The following FAM53B variants were observed in gnomAD, a reference collection of about 807,000 sequenced individuals.
The protein encoded by FAM53B is family with sequence similarity 53 member B, also known as protein FAM53B.
Under a neutral mutation model 32.7 loss-of-function variants are expected in FAM53B, and 12 were observed. The observed-to-expected ratio is 0.37, with a 90% confidence interval of 0.24 to 0.59. FAM53B has a LOEUF of 0.59. FAM53B is among the 20% of genes least tolerant of loss of function. The probability of loss-of-function intolerance (pLI) is 0.72; values close to 1 mark genes in which losing one functional copy is unlikely to be tolerated. For synonymous variants in FAM53B, 234 were observed against 228.7 expected, an observed-to-expected ratio of 1.02 and a Z score of -0.21; for missense variants, 477 against 577.7, an observed-to-expected ratio of 0.83 and a Z score of 1.79.
rs1010043768 is a variant in FAM53B, at chr10:124,733,498, G to A, written c.-175+10515C>T. On this transcript the variant is annotated intron_variant, in intron 1 of 4. Transcript: ENST00000337318. The surrounding 1 kb of genome is among the most constrained non-coding windows in gnomAD (Gnocchi z 4.3). ...GCTCCCTCTTCCATCGCACCAACACGGTTAGGTGCCTGTTTTTCCCTTTAA... is the reference window on the plus strand; with the variant it reads ...GCTCCCTCTTCCATCGCACCAACACAGTTAGGTGCCTGTTTTTCCCTTTAA... 2.6e-5 allele frequency among the ~76,000 whole-genome samples: 4 copies of A among 152,088 alleles called. No individual in the cohort carries two copies. The highest frequency in any genetic ancestry group is 4.4e-5 in the Non-Finnish European group (3 of 68,024).
chr10:124,702,885 C>T (rs756169188), intron 2 of FAM53B, among the ~76,000 whole-genome samples: 3 of 152,100 alleles, frequency 2.0e-5, no homozygotes, highest in Admixed American at 6.5e-5. Context: ...AGGGAGTCCT[C>T]GCTCTTCTAG....
chr10:124,626,325 A>G (rs1045308920), intron 4 of FAM53B, among the ~76,000 whole-genome samples: 18 of 150,688 alleles, frequency 1.2e-4, no homozygotes, highest in South Asian at 1.0e-3. Flanking sequence ...GGGGTGCCTA[A>G]CTTATGGCCA....
At chr10:124,626,636 G>A (rs939596300) in intron 4 of FAM53B, among the ~76,000 whole-genome samples, 1 of 152,208 alleles carries the variant, frequency 6.6e-6, no homozygotes, top group African/African-American at 2.4e-5. Context: ...ACATTTCTGC[G>A]GTTTATACGT....
chr10:124,687,679 A>G (rs949690187), intron 3 of FAM53B, among the ~76,000 whole-genome samples: 3 of 152,190 alleles, frequency 2.0e-5, no homozygotes, highest in African/African-American at 7.2e-5. Flanking sequence ...CTACAGGAGC[A>G]TCCTTTGGGG....
intron 4 of FAM53B, among the ~76,000 whole-genome samples, chr10:124,662,379 G>A (rs186327207): frequency 3.9e-5 from 6 of 152,302 alleles, no homozygotes; most frequent in African/African-American, 1.4e-4. Context: ...CAATGGGGAA[G>A]AATCCAGGCC....
chr10:124,661,653 A>G (rs1019825226), intron 4 of FAM53B, among the ~76,000 whole-genome samples: 1 of 152,004 alleles, frequency 6.6e-6, no homozygotes, highest in Non-Finnish European at 1.5e-5. Context: ...TGCCACCACC[A>G]CCCCAACACC....
chr10:124,704,376 T>A (rs1949935849), intron 2 of FAM53B: 1 of 152,180 alleles, frequency 6.6e-6, no homozygotes, highest in Non-Finnish European at 1.5e-5. Flanking sequence ...CATTCTAGTA[T>A]AAGGACTCGG....
At chr10:124,628,662 G>A (rs950540270) in intron 4 of FAM53B, among the ~76,000 whole-genome samples, 4 of 152,266 alleles carry the variant, frequency 2.6e-5, no homozygotes, top group Admixed American at 6.5e-5. Context: ...CTCCACTGCT[G>A]TGAGTGTTGG....
chr10:124,708,573 G>T (rs1949977143), intron 1 of FAM53B, among the ~76,000 whole-genome samples: 1 of 152,250 alleles, frequency 6.6e-6, no homozygotes, highest in African/African-American at 2.4e-5. Context: ...ACTCCTGCAA[G>T]TTCTGGCCAG....
chr10:124,655,837 A>G lies in FAM53B; in HGVS notation c.906+25770T>C, dbSNP rs898424584. The stretch of plus-strand genomic sequence containing the variant: ...TTGCAGCACTTACTTTGTCCAACAC[A>G]ATCTGCTTTGCTCTTAATATTGTCT... On this transcript the variant is annotated intron_variant, in intron 4 of 4. Coordinates refer to ENST00000337318, the MANE Select transcript of FAM53B (RefSeq NM_014661.4). 5.9e-5 allele frequency among the ~76,000 whole-genome samples: 9 copies of G among 152,294 alleles called. No homozygotes were observed. In the East Asian group the frequency reaches 1.7e-3, roughly 29 times the overall value.
intron 2 of FAM53B, among the ~76,000 whole-genome samples, chr10:124,698,968 G>C (rs558550342): frequency 2.6e-5 from 4 of 152,314 alleles, no homozygotes; most frequent in Admixed American, 2.6e-4. Flanking sequence ...ACACCACCCA[G>C]TGGGGCCAGG....
chr10:124,640,037 G>A (rs2134043892), intron 4 of FAM53B, among the ~76,000 whole-genome samples: 1 of 152,292 alleles, frequency 6.6e-6, no homozygotes, highest in South Asian at 2.1e-4. Context: ...AATTCAGGAT[G>A]GCAGAAAATC....
At chr10:124,715,916 T>C (rs1432005290) in intron 1 of FAM53B, among the ~76,000 whole-genome samples, 2 of 152,240 alleles carry the variant, frequency 1.3e-5, no homozygotes, top group Admixed American at 6.5e-5. Flanking sequence ...TAGCAGGGCA[T>C]AGGCCCTTAT....
intron 4 of FAM53B, among the ~76,000 whole-genome samples, chr10:124,664,310 C>A (rs1203555295): frequency 6.6e-6 from 1 of 152,188 alleles, no homozygotes; most frequent in Non-Finnish European, 1.5e-5. Context: ...GGCCCGCTTA[C>A]CCCAGGCATG....
intron 4 of FAM53B, among the ~76,000 whole-genome samples, chr10:124,624,859 C>T (rs575567256): frequency 3.3e-5 from 5 of 152,212 alleles, no homozygotes; most frequent in African/African-American, 1.2e-4. Context: ...GGGGCACTCC[C>T]GGCGCAGTCC....
intron 3 of FAM53B, among the ~76,000 whole-genome samples, chr10:124,692,442 C>T (rs1445907060): frequency 1.3e-5 from 2 of 152,058 alleles, no homozygotes; most frequent in Non-Finnish European, 2.9e-5. Context: ...AGGCCAGGCG[C>T]GGTGGCTCAT....
At chr10:124,648,813 G>A (rs978506127) in intron 4 of FAM53B, among the ~76,000 whole-genome samples, 2 of 152,260 alleles carry the variant, frequency 1.3e-5, no homozygotes, top group African/African-American at 2.4e-5. Flanking sequence ...GGGTCTGGCC[G>A]GGATTAGCAA....
intron 4 of FAM53B, chr10:124,671,238 C>T: frequency 2.2e-6 from 1 of 448,374 alleles, no homozygotes; most frequent in Non-Finnish European, 4.5e-6. Context: ...ATTTCATCAC[C>T]TTCCCTTTCT....
intron 4 of FAM53B, chr10:124,667,391 G>A (rs757764503): frequency 2.6e-6 from 2 of 769,460 alleles, no homozygotes; most frequent in Non-Finnish European, 4.8e-6. Context: ...CTGTAAAATG[G>A]ATAACGATGT....
Sources: allele counts gnomAD v4.1 joint callset (sites outside exome capture counted in the v4.1 genomes callset), GRCh38; gene constraint gnomAD v4.1.1; non-coding constraint Gnocchi (gnomAD v3.1); transcripts MANE v1.5; gene names NCBI Gene and HGNC (gene_info 2026-07-23, HGNC 2026-07-21).